Variants in SUGCT observed in about 807,000 individuals in gnomAD.
The protein encoded by SUGCT is succinyl-CoA:glutarate CoA-transferase.
SUGCT carries 41 observed loss-of-function variants against 55.0 expected under a neutral mutation model. The observed-to-expected ratio is 0.74, with a 90% confidence interval of 0.58 to 0.97. SUGCT has a LOEUF of 0.97. Ranked by LOEUF, SUGCT falls within the 50% of genes least tolerant of loss-of-function variation. The pLI is 0.00. For synonymous variants in SUGCT, 187 were observed against 200.4 expected (o/e 0.93, Z 0.56); for missense variants, 568 against 547.8 (o/e 1.04, Z -0.37).
At chr7:40,392,102 G>A (rs1785466308) in intron 9 of SUGCT, among the ~76,000 whole-genome samples, 1 of 152,194 alleles carries the variant, frequency 6.6e-6, no homozygotes, top group South Asian at 2.1e-4. Context: ...CTTGGACACA[G>A]GGTGGAGAAC....
chr7:40,317,059 G>A (rs1395862001), intron 9 of SUGCT, among the ~76,000 whole-genome samples: 2 of 145,152 alleles, frequency 1.4e-5, no homozygotes, highest in Non-Finnish European at 3.0e-5. Flanking sequence ...AAAGAGATTA[G>A]TAACAAGACC....
chr7:40,396,798 C>A (rs1243683046), intron 9 of SUGCT, among the ~76,000 whole-genome samples: 4 of 151,944 alleles, frequency 2.6e-5, no homozygotes, highest in Admixed American at 2.0e-4. Flanking sequence ...TTTTTTATTA[C>A]CTCATTCTCC....
chr7:40,697,257 T>TCTTTAGA (rs1306407034), intron 12 of SUGCT, among the ~76,000 whole-genome samples: 1 of 152,222 alleles, frequency 6.6e-6, no homozygotes, highest in Non-Finnish European at 1.5e-5. Flanking sequence ...GTCTATTATT[T>TCTTTAGA]CTTTAGACTC....
At chr7:40,940,572 G>T in the SUGCT span, among the ~76,000 whole-genome samples, 40 of 152,064 alleles carry the variant, frequency 2.6e-4, no homozygotes, top group African/African-American at 9.6e-4. Flanking sequence ...GTGTTTGGTA[G>T]TTCTCCTTGT....
chr7:40,447,531 G>A (rs1325539509), intron 9 of SUGCT, among the ~76,000 whole-genome samples: 1 of 152,116 alleles, frequency 6.6e-6, no homozygotes, highest in Non-Finnish European at 1.5e-5. Flanking sequence ...TGTGGTCTTG[G>A]TGGGGAAGTG....
At chr7:40,686,465 G>A (rs1197514835) in intron 12 of SUGCT, among the ~76,000 whole-genome samples, 1 of 152,162 alleles carries the variant, frequency 6.6e-6, no homozygotes, top group Non-Finnish European at 1.5e-5. Flanking sequence ...TGCTTAGAAT[G>A]GTGCTTGACA....
chr7:40,551,715 C>T (rs1795307924), intron 12 of SUGCT, among the ~76,000 whole-genome samples: 1 of 152,116 alleles, frequency 6.6e-6, no homozygotes, highest in Non-Finnish European at 1.5e-5. Flanking sequence ...AACATGATGA[C>T]TGATTACAAT....
the SUGCT span, among the ~76,000 whole-genome samples, chr7:40,970,911 C>T: frequency 6.6e-6 from 1 of 152,088 alleles, no homozygotes. Flanking sequence ...ATTTGGGAGA[C>T]ACTGAAGGAT....
chr7:40,589,831 G>A (rs1486087219), intron 12 of SUGCT, among the ~76,000 whole-genome samples: 1 of 152,148 alleles, frequency 6.6e-6, no homozygotes, highest in Non-Finnish European at 1.5e-5. Context: ...ATCCTCTAAT[G>A]TATTTCAGGC....
intron 12 of SUGCT, among the ~76,000 whole-genome samples, chr7:40,585,912 C>T (rs960117916): frequency 6.6e-6 from 1 of 152,118 alleles, no homozygotes; most frequent in Non-Finnish European, 1.5e-5. Context: ...AACTCCTGGG[C>T]TCAAGCAATC....
At chr7:40,475,845 G>A (rs1475818350) in intron 11 of SUGCT, among the ~76,000 whole-genome samples, 1 of 152,184 alleles carries the variant, frequency 6.6e-6, no homozygotes, top group Non-Finnish European at 1.5e-5. Context: ...TGTTCAGAGA[G>A]AGTGAACCCA....
At chr7:40,603,323 T>C (rs574557317) in intron 12 of SUGCT, among the ~76,000 whole-genome samples, 5 of 152,354 alleles carry the variant, frequency 3.3e-5, no homozygotes, top group Non-Finnish European at 5.9e-5. Context: ...TTTGGTATTC[T>C]TGTGTGCCCA....
At chr7:40,534,564 A>G (rs758691037) in intron 12 of SUGCT, among the ~76,000 whole-genome samples, 2 of 152,066 alleles carry the variant, frequency 1.3e-5, no homozygotes, top group Non-Finnish European at 2.9e-5. Flanking sequence ...GTTTACAGGC[A>G]TGTGCCGCCG....
At chr7:40,276,899 AATGTTTTT>A (rs1478452394) in intron 8 of SUGCT, among the ~76,000 whole-genome samples, 6 of 151,902 alleles carry the variant, frequency 3.9e-5, no homozygotes, top group African/African-American at 1.2e-4. Context: ...CTGCTGGCAC[AATGTTTTT>A]GTGTACCATG....
Position 40,399,480 on chromosome 7 carries a change from A to G in SUGCT, c.817-49807A>G, listed in dbSNP as rs191757592. ...TCAAACCAGCTTGATTCATGGTTCA[A>G]TGTCACTAGGATCATTTTCAGACCC... On this transcript the variant is annotated intron_variant, in intron 9 of 13. Transcript: ENST00000335693. 2.3e-3 allele frequency among the ~76,000 whole-genome samples: 357 copies of G among 152,306 alleles called. 4 individuals are homozygous for G. The highest frequency in any genetic ancestry group is 8.1e-3 in the African/African-American group (338 of 41,584).
chr7:40,430,481 T>A (rs1314708531), intron 9 of SUGCT, among the ~76,000 whole-genome samples: 1 of 152,216 alleles, frequency 6.6e-6, no homozygotes, highest in African/African-American at 2.4e-5. Flanking sequence ...GAGAAATACC[T>A]GTTCAAGCTT....
chr7:40,793,794 C>T (rs531852548), intron 13 of SUGCT, among the ~76,000 whole-genome samples: 6 of 152,132 alleles, frequency 3.9e-5, no homozygotes, highest in African/African-American at 1.2e-4. Flanking sequence ...ATTACTTTAT[C>T]TTTCATGTCT....
At chr7:40,346,271 T>C (rs898715668) in intron 9 of SUGCT, among the ~76,000 whole-genome samples, 1 of 152,150 alleles carries the variant, frequency 6.6e-6, no homozygotes, top group Non-Finnish European at 1.5e-5. Flanking sequence ...GACTGTGTTT[T>C]TCTAGAAATT....
At position 40,790,158 on chromosome 7, in the gene SUGCT, A is replaced by G. The variant is rs148549816; in HGVS notation, c.1153+40661A>G. The stretch of plus-strand genomic sequence containing the variant: ...GTAGTTCCCATAATCCCCATGTGTC[A>G]TGGGAGGGACCCAGTGGGAGGTAAT... On this transcript the variant is annotated intron_variant, in intron 13 of 13. Transcript: ENST00000335693. 2.3e-3 allele frequency among the ~76,000 whole-genome samples: 347 copies of G among 152,300 alleles called. 1 individual carries two copies. Among genetic ancestry groups the G allele is most frequent in the African/African-American group, 8.2e-3 (339 of 41,570 alleles).
Sources: gnomAD v4.1 joint callset for allele counts (sites outside exome capture counted in the v4.1 genomes callset) on GRCh38, gnomAD v4.1.1 for gene constraint, MANE v1.5 for transcripts, NCBI Gene and HGNC (gene_info 2026-07-23, HGNC 2026-07-21) for gene names.